Variants in SPTLC2 observed in about 807,000 individuals in gnomAD.
The protein encoded by SPTLC2 is serine palmitoyltransferase long chain base subunit 2, also known as serine palmitoyltransferase 2.
SPTLC2 carries 21 observed loss-of-function variants against 62.0 expected under a neutral mutation model. The ratio of observed to expected loss-of-function variants is 0.34; its 90% CI spans 0.24 to 0.49. The LOEUF is 0.49. Among genes scored for constraint, SPTLC2 ranks in the 20% least tolerant of loss-of-function variants. The pLI is 0.99. For synonymous variants in SPTLC2, 261 were observed against 261.8 expected (o/e 1.00, Z 0.03); for missense variants, 511 against 713.0 (o/e 0.72, Z 3.23).
At chr14:77,540,205 C>CAAAAAAAAA (rs34847653) in intron 9 of SPTLC2, among the ~76,000 whole-genome samples, 3 of 87,716 alleles carry the variant, frequency 3.4e-5, no homozygotes, top group Non-Finnish European at 4.5e-5. Flanking sequence ...ACTCTTGTCT[C>CAAAAAAAAA]AAAAAAAAAA....
At chr14:77,544,530 A>C (rs1032584479) in intron 9 of SPTLC2, among the ~76,000 whole-genome samples, 1 of 152,216 alleles carries the variant, frequency 6.6e-6, no homozygotes, top group Non-Finnish European at 1.5e-5. Context: ...AAGGTCTCTA[A>C]CACTGGCACT....
intron 5 of SPTLC2, 143 bp from the exon 6 acceptor site, chr14:77,562,632 GA>G: frequency 1.5e-5 from 10 of 658,262 alleles, no homozygotes; most frequent in East Asian, 2.8e-5. Context: ...TTAAGAAGAG[GA>G]AAAAGGTGTA....
chr14:77,611,404 A>G (rs2079936319), intron 1 of SPTLC2, among the ~76,000 whole-genome samples: 1 of 146,378 alleles, frequency 6.8e-6, no homozygotes, highest in African/African-American at 2.5e-5. Context: ...TTGAGGCCGC[A>G]GTAAGCTATG....
intron 5 of SPTLC2, among the ~76,000 whole-genome samples, chr14:77,564,714 A>G (rs1234426308): frequency 1.3e-5 from 2 of 152,064 alleles, no homozygotes; most frequent in South Asian, 2.1e-4. Context: ...AAAAAAAGTT[A>G]TTATATATTC....
chr14:77,538,511 G>A (rs1243146456), intron 9 of SPTLC2, among the ~76,000 whole-genome samples: 3 of 152,196 alleles, frequency 2.0e-5, no homozygotes, highest in African/African-American at 7.2e-5. Context: ...GAAAGAAAGA[G>A]AGAACTAATA....
intron 11 of SPTLC2, among the ~76,000 whole-genome samples, 194 bp downstream of exon 11, chr14:77,517,844 C>T (rs1389302491): frequency 6.6e-6 from 1 of 151,970 alleles, no homozygotes; most frequent in African/African-American, 2.4e-5. Flanking sequence ...CCGGAAAATT[C>T]TCCAGAGCTC....
At chr14:77,581,586 A>T (rs1401082963) in intron 2 of SPTLC2, among the ~76,000 whole-genome samples, 2 of 150,986 alleles carry the variant, frequency 1.3e-5, no homozygotes, top group Non-Finnish European at 3.0e-5. Context: ...AATTTTTTGT[A>T]TTTTTATTAA....
At chr14:77,555,027 A>C in intron 8 of SPTLC2, 1 of 452,004 alleles carries the variant, frequency 2.2e-6, no homozygotes, top group South Asian at 2.1e-5. Flanking sequence ...GGCAGGGAGC[A>C]CCACTGTGTG....
At chr14:77,518,204 G>T (rs748421483) in intron 10 of SPTLC2, 37 bp from the exon 11 acceptor site, 1 of 1,613,506 alleles carries the variant, frequency 6.2e-7, no homozygotes, top group African/African-American at 1.3e-5. Context: ...ACCAGGAGGA[G>T]TGAAAAAGCA....
At chr14:77,615,273 C>T (rs1024119262) in intron 1 of SPTLC2, among the ~76,000 whole-genome samples, 1 of 152,210 alleles carries the variant, frequency 6.6e-6, no homozygotes, top group Admixed American at 6.5e-5. Flanking sequence ...GTCTGCTTTA[C>T]TTATTTTTCC....
intron 10 of SPTLC2, among the ~76,000 whole-genome samples, chr14:77,519,756 ACT>A (rs1323359342): frequency 1.3e-5 from 2 of 151,386 alleles, no homozygotes; most frequent in African/African-American, 2.4e-5. Flanking sequence ...GCCTTTTCCC[ACT>A]CTCTGTAGTA....
intron 2 of SPTLC2, among the ~76,000 whole-genome samples, chr14:77,589,784 C>T (rs1027491833): frequency 7.5e-6 from 1 of 133,820 alleles, no homozygotes; most frequent in East Asian, 2.2e-4. Flanking sequence ...AGCGAGAGTC[C>T]GTCTCCACAC....
At chr14:77,568,955 A>G (rs2079662051) in intron 5 of SPTLC2, among the ~76,000 whole-genome samples, 1 of 152,172 alleles carries the variant, frequency 6.6e-6, no homozygotes, top group African/African-American at 2.4e-5. Context: ...AATTTTTTGA[A>G]TTGCAAAATC....
chr14:77,571,945 C>T (rs117754564), intron 4 of SPTLC2, among the ~76,000 whole-genome samples: 11,914 of 145,110 alleles, frequency 0.082, 600 homozygotes, highest in Admixed American at 0.16. Flanking sequence ...TGCGGACCAC[C>T]ACGCCTGACT....
intron 4 of SPTLC2, among the ~76,000 whole-genome samples, chr14:77,574,485 C>G (rs766542681): frequency 3.9e-5 from 6 of 152,198 alleles, no homozygotes; most frequent in Non-Finnish European, 7.3e-5. Context: ...CCTAGCAATT[C>G]CACTAGTAAG....
chr14:77,533,347 G>A (rs1441644223), intron 9 of SPTLC2, among the ~76,000 whole-genome samples: 1 of 148,836 alleles, frequency 6.7e-6, no homozygotes, highest in South Asian at 2.1e-4. Flanking sequence ...GAGTATAATA[G>A]CAATGTATAA....
chr14:77,582,981 C>T (rs906217808), intron 2 of SPTLC2, among the ~76,000 whole-genome samples: 8 of 152,192 alleles, frequency 5.3e-5, no homozygotes, highest in African/African-American at 7.2e-5. Flanking sequence ...GGGTGGATCG[C>T]TTGAGCCCAG....
intron 9 of SPTLC2, among the ~76,000 whole-genome samples, chr14:77,529,620 C>CTTTTTTTTTTTTTTTTTTTTTTTTTTT (rs71452856): frequency 5.3e-5 from 4 of 76,046 alleles, no homozygotes; most frequent in Non-Finnish European, 8.1e-5. Context: ...TTCTTTCTTT[C>CTTTTTTTTTTTTTTTTTTTTTTTTTTT]TTTTTTTTTT....
intron 1 of SPTLC2, among the ~76,000 whole-genome samples, chr14:77,610,344 G>A (rs556847990): frequency 1.3e-5 from 2 of 152,176 alleles, no homozygotes; most frequent in South Asian, 4.1e-4. Context: ...GTTTCACCAT[G>A]TTGGCCAGGC....
Sources: gnomAD v4.1 joint callset for allele counts (sites outside exome capture counted in the v4.1 genomes callset) on GRCh38, gnomAD v4.1.1 for gene constraint, MANE v1.5 for transcripts, NCBI Gene and HGNC (gene_info 2026-07-23, HGNC 2026-07-21) for gene names.